ANK3: variants seen among roughly 807,000 people sequenced by gnomAD.
The protein encoded by ANK3 is ankyrin-3.
In ANK3, 57 loss-of-function variants were observed where a neutral mutation model predicts 370.9. The ratio of observed to expected loss-of-function variants is 0.15; its 90% CI spans 0.12 to 0.19. ANK3 has a LOEUF of 0.19. Ranked by LOEUF, ANK3 falls within the 10% of genes least tolerant of loss-of-function variation. The pLI is 1.00. For missense variants in ANK3, 4,439 were observed against 5,302.1 expected (o/e 0.84, Z 5.06); for synonymous variants, 1,929 against 1,946.3 (o/e 0.99, Z 0.23).
At chr10:60,324,589 G>A (rs1003290952) in intron 1 of ANK3, among the ~76,000 whole-genome samples, 2 of 152,104 alleles carry the variant, frequency 1.3e-5, no homozygotes, top group Non-Finnish European at 2.9e-5. Context: ...AACATTTGTG[G>A]TAAATGGCCA....
At position 60,205,913 on chromosome 10, in the gene ANK3, C is replaced by A. The variant is rs764724745; in HGVS notation, c.1195-23G>T. ...ATTCTGCAAGGGACAAATACATATA[C>A]CTGCTTGACTACATTCCATCAAAAT... On this transcript the variant is annotated intron_variant, in intron 10 of 43. Transcript: ENST00000280772. The A allele has an allele frequency of 3.4e-5, 49 of 1,437,020 alleles. 2 individuals carry two copies. The South Asian group carries it at 4.7e-4, about 14-fold the overall frequency. 89.0% of individuals were successfully genotyped at this position (1,437,020 alleles called of 1,614,324 possible). A position where few individuals can be genotyped will look rare whatever the true frequency, so the allele number is the denominator to read the frequency against.
intron 1 of ANK3, among the ~76,000 whole-genome samples, chr10:60,381,961 C>T (rs867746611): frequency 2.6e-5 from 4 of 152,088 alleles, no homozygotes; most frequent in Admixed American, 2.6e-4. Context: ...TTATTGCTTG[C>T]CTGTTTTATT....
chr10:60,349,163 G>A (rs1214071039), intron 1 of ANK3, among the ~76,000 whole-genome samples: 1 of 152,166 alleles, frequency 6.6e-6, no homozygotes, highest in Non-Finnish European at 1.5e-5. Flanking sequence ...CATTTTTGCT[G>A]CAAACTGTTT....
At chr10:60,718,504 A>C (rs2079819740) in intron 1 of ANK3, among the ~76,000 whole-genome samples, 1 of 152,136 alleles carries the variant, frequency 6.6e-6, no homozygotes, top group African/African-American at 2.4e-5. Context: ...AGGGCTACTT[A>C]ATTTTGGGCT....
rs181427271 is a variant in ANK3 at position 60,303,139 on chromosome 10, T to C, written c.115-23500A>G. Among the ~76,000 whole-genome samples, 615 of 152,300 alleles carry C rather than the reference T, an allele frequency of 4.0e-3. 3 individuals carry two copies. The highest frequency in any genetic ancestry group is 6.5e-3 in the Non-Finnish European group (439 of 68,022). ...ACACAAGGCAAAAGTTCTCATAACA[T>C]TGATCTGGGCAATGATTTTTTGCAT... On this transcript the variant is annotated intron_variant, in intron 1 of 43. Transcript: ENST00000280772.
intron 2 of ANK3, among the ~76,000 whole-genome samples, chr10:60,599,504 T>A (rs1198437160): frequency 1.3e-5 from 2 of 152,206 alleles, no homozygotes; most frequent in African/African-American, 2.4e-5. Flanking sequence ...CCTTATCTTT[T>A]CTATTGATTC....
chr10:60,237,169 A>G (rs903590253), intron 7 of ANK3, among the ~76,000 whole-genome samples: 1 of 152,216 alleles, frequency 6.6e-6, no homozygotes. Context: ...TTTGAGTGAA[A>G]GCTGGCAGAA....
At chr10:60,689,545 A>T (rs1275091906) in intron 1 of ANK3, among the ~76,000 whole-genome samples, 1 of 152,142 alleles carries the variant, frequency 6.6e-6, no homozygotes, top group Non-Finnish European at 1.5e-5. Flanking sequence ...TGAGCTCAGG[A>T]GTTCGAGACC....
upstream of ANK3, among the ~76,000 whole-genome samples, chr10:60,393,084 T>A (rs1167438345): frequency 6.6e-6 from 1 of 152,218 alleles, no homozygotes; most frequent in Non-Finnish European, 1.5e-5. Flanking sequence ...CAAAATGTAG[T>A]ACAGAGAGAT....
At chr10:60,491,730 G>A (rs565180661) in intron 2 of ANK3, among the ~76,000 whole-genome samples, 5 of 152,322 alleles carry the variant, frequency 3.3e-5, no homozygotes, top group African/African-American at 1.2e-4. Context: ...ACAGTACGGT[G>A]TAGTGCTTAA....
intron 2 of ANK3, among the ~76,000 whole-genome samples, chr10:60,558,250 G>T (rs2077255405): frequency 6.6e-6 from 1 of 152,164 alleles, no homozygotes; most frequent in Admixed American, 6.5e-5. Flanking sequence ...TCAGTTCAAT[G>T]TCACACAGTA....
intron 1 of ANK3, among the ~76,000 whole-genome samples, chr10:60,698,851 AT>A (rs2079505970): frequency 6.6e-6 from 1 of 151,284 alleles, no homozygotes; most frequent in Non-Finnish European, 1.5e-5. Flanking sequence ...ATGTATACAT[AT>A]GTAACTAACG....
chr10:60,419,657 C>G (rs1350695943), intron 2 of ANK3, among the ~76,000 whole-genome samples: 3 of 152,244 alleles, frequency 2.0e-5, no homozygotes, highest in South Asian at 4.2e-4. Context: ...CAGGAAGAAA[C>G]AGAGTCCCTT....
At chr10:60,457,583 C>T (rs796764479) in intron 2 of ANK3, among the ~76,000 whole-genome samples, 1 of 151,992 alleles carries the variant, frequency 6.6e-6, no homozygotes, top group East Asian at 1.9e-4. Context: ...CCCTTCAGGT[C>T]GCCCTTTAAG....
Position 60,674,115 on chromosome 10 carries a change from A to G in ANK3, c.58-58891T>C, listed in dbSNP as rs528156915. Among the ~76,000 whole-genome samples, 37 of 150,030 alleles carry G rather than the reference A, an allele frequency of 2.5e-4. 3 individuals are homozygous for G. In the South Asian group the frequency reaches 7.7e-3, roughly 31 times the overall value. On this transcript the variant is annotated intron_variant, in intron 1 of 43. Transcript: ENST00000373827. Reference sequence around the variant, plus strand: ...CTCAGAGTATGAGAGTTCTTGTATTAAAAAAAAAGAAAAAGTTAAATATTG... The same window carrying G: ...CTCAGAGTATGAGAGTTCTTGTATTGAAAAAAAAGAAAAAGTTAAATATTG...
At chr10:60,440,293 C>A (rs1595039483) in intron 2 of ANK3, among the ~76,000 whole-genome samples, 1 of 152,040 alleles carries the variant, frequency 6.6e-6, no homozygotes, top group Admixed American at 6.6e-5. Flanking sequence ...CAAAGAATAA[C>A]CAAGACTGGG....
At chr10:60,060,160 A>T in intron 40 of ANK3, 2 of 529,706 alleles carry the variant, frequency 3.8e-6, no homozygotes, top group South Asian at 9.9e-5. Context: ...AATTAAATGT[A>T]ACACAATGAA....
chr10:60,324,751 A>G (rs913809465), intron 1 of ANK3, among the ~76,000 whole-genome samples: 1 of 152,094 alleles, frequency 6.6e-6, no homozygotes, highest in African/African-American at 2.4e-5. Flanking sequence ...TCTCCATGCC[A>G]CTCAGCGATT....
chr10:60,091,254 T>C, intron 28 of ANK3, among the ~76,000 whole-genome samples: 1 of 152,176 alleles, frequency 6.6e-6, no homozygotes, highest in East Asian at 1.9e-4. Flanking sequence ...TCTCTATGAA[T>C]AAGGGAATGG....
Sources: allele counts gnomAD v4.1 joint callset (sites outside exome capture counted in the v4.1 genomes callset), GRCh38; gene constraint gnomAD v4.1.1; transcripts MANE v1.5; gene names NCBI Gene and HGNC (gene_info 2026-07-23, HGNC 2026-07-21).